The following JADE2 variants were observed in gnomAD, a reference collection of about 807,000 sequenced individuals.
JADE2 encodes E3 ubiquitin-protein ligase Jade-2.
Under a neutral mutation model 85.7 loss-of-function variants are expected in JADE2, and 13 were observed. The ratio of observed to expected loss-of-function variants is 0.15; its 90% CI spans 0.10 to 0.24. The LOEUF (loss-of-function observed/expected upper bound fraction) is 0.24. Ranked by LOEUF, JADE2 falls within the 10% of genes least tolerant of loss-of-function variation. JADE2 has a pLI of 1.00. For synonymous variants in JADE2, 440 were observed against 456.1 expected (o/e 0.96, Z 0.45); for missense variants, 846 against 1,115.9 (o/e 0.76, Z 3.45).
At position 134,560,768 on chromosome 5, in the gene JADE2, G is replaced by C. The variant is rs761611024; in HGVS notation, c.495G>C (p.Leu165=). The change falls in exon 6 of 12, where the codon CTG becomes CTC. Residue 165 remains leucine (L), a synonymous_variant. Coordinates refer to ENST00000681547, the MANE Select transcript of JADE2 (RefSeq NM_001388185.1). Reference sequence around the variant, plus strand: ...CAGAGAGGCCGGAGCTGGACGAGCTGACATTAGAGCGTGTGCTGGAGGAGC... The same window carrying C: ...CAGAGAGGCCGGAGCTGGACGAGCTCACATTAGAGCGTGTGCTGGAGGAGC... ...KEMERPELDE[L]TLERVLEELE... The C allele has an allele frequency of 1.2e-6, 2 of 1,613,900 alleles. No individual in the cohort carries two copies. The highest frequency in any genetic ancestry group is 1.7e-5 in the Admixed American group (1 of 59,964).
chr5:134,577,937 AG>A (rs1316296060), intron 11 of JADE2, among the ~76,000 whole-genome samples: 2 of 152,078 alleles, frequency 1.3e-5, no homozygotes, highest in African/African-American at 4.8e-5. Flanking sequence ...AAGCGCTGGG[AG>A]GCAACGCTTA....
rs1305075408 is a variant in JADE2, at chr5:134,578,720, G to A, written c.1908G>A (p.Arg636=). The A allele has an allele frequency of 1.9e-6, 3 of 1,613,282 alleles. 1 individual carries two copies. The South Asian group carries it at 3.3e-5, about 18-fold the overall frequency. ...DPSLRPGDPA[R]KARGRTRLPA... ...CGCTGCGACCTGGTGACCCTGCTAG[G>A]AAGGCCCGAGGCCGCACCCGCCTGC... Residue 636 remains arginine, a synonymous_variant, in exon 12 of 12, where the codon AGG becomes AGA. Coordinates refer to ENST00000681547, the MANE Select transcript of JADE2 (RefSeq NM_001388185.1). The surrounding 1 kb of genome is among the most constrained non-coding windows in gnomAD (Gnocchi z 4.4).
chr5:134,533,712 C>A, intron 1 of JADE2: 3 of 191,890 alleles, frequency 1.6e-5, no homozygotes, highest in Non-Finnish European at 1.8e-5. Context: ...AGGATTCTGT[C>A]AGTCAGCCTT....
rs1764446968 is a variant in JADE2 at position 134,577,469 on chromosome 5, T to A, written c.1681+573T>A. Among the ~76,000 whole-genome samples the A allele has an allele frequency of 2.0e-5, 3 of 151,904 alleles. No homozygotes were observed. The South Asian group carries it at 6.2e-4, about 32-fold the overall frequency. On this transcript the variant is annotated intron_variant, in intron 11 of 11. Coordinates refer to ENST00000681547, the MANE Select transcript of JADE2 (RefSeq NM_001388185.1). ...AGAGATCTCAGGGAGCATCATGGAG[T>A]CCCCTTCCAGACCTTGCCTCTGGGA...
At chr5:134,550,965 G>A (rs753945083) in intron 3 of JADE2, among the ~76,000 whole-genome samples, 8 of 152,076 alleles carry the variant, frequency 5.3e-5, no homozygotes, top group Non-Finnish European at 8.8e-5. Context: ...AAAGCCGGTC[G>A]AGTTAGGAGA....
At chr5:134,539,673 A>G (rs560211474) in intron 3 of JADE2, among the ~76,000 whole-genome samples, 57 of 152,374 alleles carry the variant, frequency 3.7e-4, no homozygotes, top group African/African-American at 1.3e-3. Context: ...TGGGGCTCAC[A>G]ATGCCAAGGG....
chr5:134,552,097 T>C lies in JADE2; in HGVS notation c.199T>C (p.Tyr67His), dbSNP rs202158291. 1.7e-4 allele frequency: 268 copies of C among 1,614,078 alleles called. No individual in the cohort carries two copies. The highest frequency in any genetic ancestry group is 2.0e-4 in the Non-Finnish European group (241 of 1,180,032). The change falls in exon 4 of 12, where the codon TAC becomes CAC. Residue 67 changes from tyrosine (Y) to histidine (H), a missense_variant. Tyr to His is a moderately conservative substitution (Grantham distance 83). This residue lies in a region of JADE2 where 44 missense variants were observed against 92.0 expected (regional missense o/e 0.48). Transcript: ENST00000681547. ...CACAGCCATGAAGATCCCGGACTCA[T>C]ACCAGCTCAGCCCGGATGACTACTA... ...LITAMKIPDSYQLSPDDYYIL... is the reference protein window; with the variant it reads ...LITAMKIPDSHQLSPDDYYIL...
intron 1 of JADE2, chr5:134,533,528 G>A (rs1761381224): frequency 5.1e-6 from 5 of 985,292 alleles, no homozygotes; most frequent in Non-Finnish European, 4.8e-6. Context: ...TGGCTCGGAA[G>A]TACCTTCTTT....
chr5:134,540,108 AG>A (rs940863798), intron 3 of JADE2, among the ~76,000 whole-genome samples: 30 of 152,100 alleles, frequency 2.0e-4, no homozygotes, highest in African/African-American at 7.2e-4. Context: ...CCTGCTTGGT[AG>A]GGGGATGGGA....
At chr5:134,538,138 G>C in intron 3 of JADE2, 55 bp downstream of exon 3, 1 of 1,379,188 alleles carries the variant, frequency 7.3e-7, no homozygotes, top group Non-Finnish European at 1.0e-6. Context: ...GAGCTGCCCT[G>C]CGGAGACTGG....
At chr5:134,548,275 A>G (rs887503267) in intron 3 of JADE2, among the ~76,000 whole-genome samples, 1 of 152,220 alleles carries the variant, frequency 6.6e-6, no homozygotes, top group African/African-American at 2.4e-5. Context: ...TTAGGCAGTG[A>G]GCACATGGCC....
chr5:134,573,993 C>T, intron 10 of JADE2: 1 of 615,076 alleles, frequency 1.6e-6, no homozygotes, highest in Non-Finnish European at 2.9e-6. Context: ...ATGTGGGCAT[C>T]AGGCCTGCCC....
At position 134,525,940 on chromosome 5, in the gene JADE2, C is replaced by A. The variant is rs1171153905; in HGVS notation, c.-72C>A. 7.1e-6 allele frequency: 7 copies of A among 985,788 alleles called. No homozygotes were observed. The highest frequency in any genetic ancestry group is 8.4e-6 in the Non-Finnish European group (7 of 830,482). 61.1% of individuals were successfully genotyped at this position (985,788 alleles called of 1,614,324 possible). A position where few individuals can be genotyped will look rare whatever the true frequency, so the allele number is the denominator to read the frequency against. On this transcript the variant is annotated 5_prime_UTR_variant, in exon 1 of 12. Coordinates refer to ENST00000681547, the MANE Select transcript of JADE2 (RefSeq NM_001388185.1). Reference sequence around the variant, plus strand: ...CAGGAGCTCCCGGCTTCGGGAGCATCCTTCCCGCGCCGGTCCCTGCAGCGG... The same window carrying A: ...CAGGAGCTCCCGGCTTCGGGAGCATACTTCCCGCGCCGGTCCCTGCAGCGG...
chr5:134,573,927 G>A (rs954689051), intron 10 of JADE2, 165 bp downstream of exon 10: 3 of 705,286 alleles, frequency 4.3e-6, no homozygotes, highest in East Asian at 2.7e-5. Flanking sequence ...AGGCCCAGAC[G>A]GGGGCCTGCA....
intron 5 of JADE2, 63 bp downstream of exon 5, chr5:134,560,053 C>T (rs987509538): frequency 7.6e-6 from 12 of 1,583,756 alleles, no homozygotes; most frequent in Admixed American, 1.7e-5. Flanking sequence ...CTCCCCATCC[C>T]GAGAGGGACA....
rs779858278 is a variant in JADE2 at position 134,552,060 on chromosome 5, G to T, written c.162G>T (p.Arg54=). The T allele has an allele frequency of 6.2e-7, 1 of 1,614,170 alleles. No individual in the cohort carries two copies. Among genetic ancestry groups the T allele is most frequent in the Admixed American group, 1.7e-5 (1 of 60,024 alleles). ...QNEKKPSEVF[R]TDLITAMKIP... ...CCTCTTGCCCCTCACAGGTTTTCCG[G>T]ACAGACTTGATCACAGCCATGAAGA... Residue 54 remains arginine (R), a synonymous_variant, in exon 4 of 12, where the codon CGG becomes CGT. Coordinates refer to ENST00000681547, the MANE Select transcript of JADE2 (RefSeq NM_001388185.1).
chr5:134,528,894 A>G (rs956942744), intron 1 of JADE2, among the ~76,000 whole-genome samples: 9 of 152,162 alleles, frequency 5.9e-5, no homozygotes, highest in Non-Finnish European at 1.3e-4. Context: ...CTTTCCCTAA[A>G]TTGCCTGGCT....
Position 134,542,977 on chromosome 5 carries a change from C to T in JADE2, c.153+4894C>T, listed in dbSNP as rs574971184. On this transcript the variant is annotated intron_variant, in intron 3 of 11. Coordinates refer to ENST00000681547, the MANE Select transcript of JADE2 (RefSeq NM_001388185.1). ...CAAACTCCTGACCTCAAGTGATCTGCCTGCCTCAGGAAGTGCTGGGATTAC... is the reference window on the plus strand; with the variant it reads ...CAAACTCCTGACCTCAAGTGATCTGTCTGCCTCAGGAAGTGCTGGGATTAC... Among the ~76,000 whole-genome samples, 134 of 151,720 alleles carry T rather than the reference C, an allele frequency of 8.8e-4. 4 individuals carry two copies. Among genetic ancestry groups the T allele is most frequent in the Admixed American group, 8.5e-4 (13 of 15,248 alleles).
At chr5:134,543,521 T>G (rs1219254542) in intron 3 of JADE2, among the ~76,000 whole-genome samples, 2 of 151,548 alleles carry the variant, frequency 1.3e-5, no homozygotes, top group Non-Finnish European at 1.5e-5. Flanking sequence ...AAAAAAAATT[T>G]TAAAAATTAG....
Sources: allele counts gnomAD v4.1 joint callset (sites outside exome capture counted in the v4.1 genomes callset), GRCh38; gene constraint gnomAD v4.1.1; regional missense constraint gnomAD v4.1.1; non-coding constraint Gnocchi (gnomAD v3.1); transcripts MANE v1.5; gene names NCBI Gene and HGNC (gene_info 2026-07-23, HGNC 2026-07-21).